WDFY3: variants seen among roughly 807,000 people sequenced by gnomAD.
WDFY3 encodes the protein WD repeat and FYVE domain-containing protein 3.
Under a neutral mutation model 409.6 loss-of-function variants are expected in WDFY3, and 66 were observed. The ratio of observed to expected loss-of-function variants is 0.16; its 90% CI spans 0.13 to 0.20. The LOEUF (loss-of-function observed/expected upper bound fraction) is 0.20, where lower values mean the gene tolerates loss of function less well. WDFY3 is among the 10% of genes least tolerant of loss of function. The probability of loss-of-function intolerance (pLI) is 1.00; values close to 1 mark genes in which losing one functional copy is unlikely to be tolerated. For missense variants in WDFY3, 3,031 were observed against 4,298.1 expected (o/e 0.71, Z 8.24); for synonymous variants, 1,521 against 1,537.1 (o/e 0.99, Z 0.25).
chr4:84,866,579 T>A (rs1761427136), intron 3 of WDFY3, among the ~76,000 whole-genome samples: 1 of 152,134 alleles, frequency 6.6e-6, no homozygotes, highest in African/African-American at 2.4e-5. Flanking sequence ...GGGCACCAAT[T>A]CACCGCAGCC....
rs1737408997 is a variant in WDFY3, at chr4:84,736,212, A to G, written c.6873T>C (p.Asn2291=). 1 of 1,612,932 alleles carries G rather than the reference A, an allele frequency of 6.2e-7. No individual in the cohort carries two copies. Among genetic ancestry groups the G allele is most frequent in the African/African-American group, 1.3e-5 (1 of 75,038 alleles). ...GLSKLTGSRR[N]RKESGLNKHS... is the part of the protein sequence containing the mutation. Reference sequence around the variant, plus strand: ...GTTTATTAAGACCACTTTCTTTTCGATTCCTTCTTGATCCTGTTAACTTGG... The same window carrying G: ...GTTTATTAAGACCACTTTCTTTTCGGTTCCTTCTTGATCCTGTTAACTTGG... Residue 2291 remains asparagine (N), a synonymous_variant, in exon 42 of 68, where the codon AAT becomes AAC. Coordinates refer to ENST00000295888, the MANE Select transcript of WDFY3 (RefSeq NM_014991.6).
intron 60 of WDFY3, among the ~76,000 whole-genome samples, chr4:84,691,046 A>G (rs1055815312): frequency 6.6e-6 from 1 of 152,224 alleles, no homozygotes; most frequent in Admixed American, 6.5e-5. Flanking sequence ...GGAGAACATC[A>G]ACAAAATGGA....
intron 43 of WDFY3, among the ~76,000 whole-genome samples, chr4:84,734,268 T>C (rs539908602): frequency 1.3e-5 from 2 of 152,258 alleles, no homozygotes; most frequent in South Asian, 2.1e-4. Flanking sequence ...ATTTCAACAG[T>C]AGACAGTGAC....
At chr4:84,849,246 A>C (rs1758533722) in intron 5 of WDFY3, among the ~76,000 whole-genome samples, 1 of 152,154 alleles carries the variant, frequency 6.6e-6, no homozygotes, top group Non-Finnish European at 1.5e-5. Flanking sequence ...TACAGATGAC[A>C]CAGAGACCCC....
chr4:84,931,049 T>C (rs138572620), intron 2 of WDFY3, among the ~76,000 whole-genome samples: 72 of 152,312 alleles, frequency 4.7e-4, no homozygotes, highest in African/African-American at 1.7e-3. Context: ...GTCTAATGTA[T>C]AAATTATACT....
Position 84,794,813 on chromosome 4 carries a change from TA to T in WDFY3, c.3268+65del. 5.9e-6 allele frequency: 9 copies of T among 1,516,584 alleles called. No homozygotes were observed. The South Asian group carries it at 1.2e-4, about 19-fold the overall frequency. 93.9% of individuals were successfully genotyped at this position (1,516,584 alleles called of 1,614,324 possible). Reference sequence around the variant, plus strand: ...TTTAAAAGATGCCAACAAAAGCAAATAAACTCTAAATTATATATAATCTACT... The same window carrying T: ...TTTAAAAGATGCCAACAAAAGCAAATAACTCTAAATTATATATAATCTACT... On this transcript the variant is annotated intron_variant, in intron 20 of 67. Coordinates refer to ENST00000295888, the MANE Select transcript of WDFY3 (RefSeq NM_014991.6).
At chr4:84,734,994 A>G (rs770672669) in intron 43 of WDFY3, 49 bp downstream of exon 43, 1 of 1,504,804 alleles carries the variant, frequency 6.6e-7, no homozygotes, top group Non-Finnish European at 9.2e-7. Context: ...GAGACCTTTC[A>G]CATACAAAAA....
Position 84,724,481 on chromosome 4 carries a change from A to G in WDFY3, c.7386T>C (p.Gly2462=). 2 of 1,613,998 alleles carry G rather than the reference A, an allele frequency of 1.2e-6. No individual in the cohort carries two copies. The highest frequency in any genetic ancestry group is 1.7e-6 in the Non-Finnish European group (2 of 1,179,946). Residue 2462 remains glycine, a synonymous_variant, in exon 46 of 68, where the codon GGT becomes GGC. Transcript: ENST00000295888. ...VQDAIVESSE[G]EAAQQEPEHG... ...GCTCTGGTTCTTGCTGAGCAGCTTC[A>G]CCTTCTGAACTCTCCACAATGGCGT...
intron 5 of WDFY3, among the ~76,000 whole-genome samples, chr4:84,841,890 G>A (rs1176280087): frequency 6.6e-6 from 1 of 152,184 alleles, no homozygotes; most frequent in Non-Finnish European, 1.5e-5. Context: ...TAATGTGTAT[G>A]ACAGACTGGA....
chr4:84,699,414 A>T (rs1405922372), intron 56 of WDFY3, among the ~76,000 whole-genome samples: 1 of 152,192 alleles, frequency 6.6e-6, no homozygotes. Context: ...TGGATGAATA[A>T]TATTTCACTG....
rs201478367 is a variant in WDFY3, at chr4:84,724,570, C to T, written c.7297G>A (p.Val2433Ile). ...TAGTACTCTTTACTGTCATAACTTA[C>T]GGCTCTTCTATATCGAGCAGGTTTC... ...QKKPARYRRAVSYDSKEYYMR... is the reference protein window; with the variant it reads ...QKKPARYRRAISYDSKEYYMR... The change falls in exon 46 of 68, where the codon GTA (valine) becomes ATA (isoleucine). Residue 2433 changes from valine to isoleucine, a missense_variant. Physicochemically the swap from Val to Ile is conservative, Grantham distance 29 (BLOSUM62 3). Around this residue, in one of 16 missense-constraint regions of WDFY3, gnomAD observed 127 missense variants for 144.4 expected, o/e 0.88. Coordinates refer to ENST00000295888, the MANE Select transcript of WDFY3 (RefSeq NM_014991.6). The T allele has an allele frequency of 7.4e-6, 12 of 1,613,150 alleles. No homozygotes were observed. The Admixed American group carries it at 1.0e-4, about 13-fold the overall frequency.
chr4:84,777,170 T>G (rs1745697567), intron 27 of WDFY3, among the ~76,000 whole-genome samples: 1 of 152,014 alleles, frequency 6.6e-6, no homozygotes. Context: ...TGGAGAGGGA[T>G]GCTAAGTTCA....
At chr4:84,697,080 C>T (rs146601784) in intron 56 of WDFY3, among the ~76,000 whole-genome samples, 78 of 152,260 alleles carry the variant, frequency 5.1e-4, no homozygotes, top group Admixed American at 2.0e-3. Flanking sequence ...TGAGTTATAC[C>T]AAGCGAAACA....
intron 1 of WDFY3, among the ~76,000 whole-genome samples, chr4:84,963,352 G>T (rs1775175191): frequency 6.6e-6 from 1 of 151,336 alleles, no homozygotes. Context: ...CGAAACCCGG[G>T]AGGCAGAAGT....
chr4:84,730,534 TAGC>T (rs1358283214), intron 44 of WDFY3, among the ~76,000 whole-genome samples: 1 of 152,202 alleles, frequency 6.6e-6, no homozygotes, highest in East Asian at 1.9e-4. Context: ...CTACACTATT[TAGC>T]AGCTGCAGCC....
intron 3 of WDFY3, among the ~76,000 whole-genome samples, chr4:84,884,669 A>T (rs1763954988): frequency 6.6e-6 from 1 of 152,212 alleles, no homozygotes; most frequent in Non-Finnish European, 1.5e-5. Context: ...ATTAAATTAT[A>T]TAATTTTTAG....
intron 36 of WDFY3, among the ~76,000 whole-genome samples, chr4:84,749,927 A>C (rs185910677): frequency 6.6e-6 from 1 of 152,316 alleles, no homozygotes; most frequent in East Asian, 1.9e-4. Context: ...CTTCCTACTA[A>C]AAAATATAGA....
chr4:84,843,800 T>G (rs1326725178), intron 5 of WDFY3, among the ~76,000 whole-genome samples: 2 of 152,162 alleles, frequency 1.3e-5, no homozygotes, highest in East Asian at 3.8e-4. Context: ...GCAAGGAATT[T>G]TAAATAAAAC....
Position 84,670,586 on chromosome 4 carries a change from A to G in WDFY3, c.*2282T>C, listed in dbSNP as rs190510428. On this transcript the variant is annotated 3_prime_UTR_variant, in exon 68 of 68. Transcript: ENST00000295888. ...AATGGAAGTTGTGTCGGAAAGTTTAAAAGTGTTCATCCCATATAGTTTCCT... is the reference window on the plus strand; with the variant it reads ...AATGGAAGTTGTGTCGGAAAGTTTAGAAGTGTTCATCCCATATAGTTTCCT... The G allele has an allele frequency of 2.0e-5, 3 of 152,808 alleles. No individual in the cohort carries two copies. Among genetic ancestry groups the G allele is most frequent in the East Asian group, 3.9e-4 (2 of 5,188 alleles). 9.5% of individuals were successfully genotyped at this position (152,808 alleles called of 1,614,324 possible).
Sources: allele counts gnomAD v4.1 joint callset (sites outside exome capture counted in the v4.1 genomes callset), GRCh38; gene constraint gnomAD v4.1.1; regional missense constraint gnomAD v4.1.1; transcripts MANE v1.5; gene names NCBI Gene and HGNC (gene_info 2026-07-23, HGNC 2026-07-21).